The following PRKN variants were observed in gnomAD, a reference collection of about 807,000 sequenced individuals.
The protein encoded by PRKN is E3 ubiquitin-protein ligase parkin.
PRKN carries 56 observed loss-of-function variants against 59.5 expected under a neutral mutation model. The observed-to-expected ratio is 0.94, with a 90% CI of 0.76 to 1.18. The LOEUF is 1.18. Ranked by LOEUF, PRKN falls within the 50% of genes most tolerant of loss-of-function variation. PRKN has a pLI of 0.00. For synonymous variants in PRKN, 250 were observed against 222.1 expected, an observed-to-expected ratio of 1.13 and a Z score of -1.12; for missense variants, 657 against 596.4, an observed-to-expected ratio of 1.10 and a Z score of -1.06.
In PRKN at chr6:161,419,672, A is replaced by G. The variant is rs986349697; in HGVS notation, c.1084-32795T>C. On this transcript the variant is annotated intron_variant, in intron 9 of 11. Coordinates refer to ENST00000366898, the MANE Select transcript of PRKN (RefSeq NM_004562.3). This position sits in a 1 kb window ranked among gnomAD's most constrained non-coding sequence, Gnocchi z 4.1. Reference sequence around the variant, plus strand: ...CAAAGTGCTGGGATTACAGGCATGAACCACCACGCCCAGCCTCCTCTGACT... The same window carrying G: ...CAAAGTGCTGGGATTACAGGCATGAGCCACCACGCCCAGCCTCCTCTGACT... Among the ~76,000 whole-genome samples, 4 of 151,840 alleles carry G rather than the reference A, an allele frequency of 2.6e-5. No homozygotes were observed. The highest frequency in any genetic ancestry group is 2.0e-4 in the East Asian group (1 of 5,088).
chr6:162,703,598 G>A (rs748300039), intron 1 of PRKN, among the ~76,000 whole-genome samples: 9 of 152,082 alleles, frequency 5.9e-5, no homozygotes, highest in East Asian at 5.8e-4. Context: ...TGTCAGGCAC[G>A]GGGCTAAGAA....
rs1785031425 is a variant in PRKN at position 161,362,920 on chromosome 6, C to A, written c.1168-2715G>T. 2.0e-5 allele frequency among the ~76,000 whole-genome samples: 3 copies of A among 152,164 alleles called. No individual in the cohort carries two copies. The highest frequency in any genetic ancestry group is 4.8e-5 in the African/African-American group (2 of 41,424). On this transcript the variant is annotated intron_variant, in intron 10 of 11. Coordinates refer to ENST00000366898, the MANE Select transcript of PRKN (RefSeq NM_004562.3). This position sits in a 1 kb window ranked among gnomAD's most constrained non-coding sequence, Gnocchi z 5.2. ...TACAGAAACTACAGAATCTAACCAG[C>A]AAAGGTTGTAGATATTGGAATGGCC... is the stretch of plus-strand genomic sequence containing the variant.
chr6:162,226,183 A>C (rs1778172659), intron 3 of PRKN, among the ~76,000 whole-genome samples: 1 of 151,894 alleles, frequency 6.6e-6, no homozygotes, highest in Admixed American at 6.6e-5. Context: ...CTCATAAAAA[A>C]AGAGAGACTG....
intron 7 of PRKN, among the ~76,000 whole-genome samples, chr6:161,733,182 A>G (rs1413656454): frequency 1.3e-5 from 2 of 152,202 alleles, no homozygotes; most frequent in East Asian, 1.9e-4. Flanking sequence ...AATATGTCCA[A>G]ATTTTATCTA....
chr6:162,144,193 C>T (rs570130543), intron 4 of PRKN, among the ~76,000 whole-genome samples: 5 of 152,168 alleles, frequency 3.3e-5, no homozygotes, highest in East Asian at 3.9e-4. Flanking sequence ...GTTAACAAAG[C>T]GCACTTGGAG....
At chr6:161,901,316 C>T (rs149493379) in intron 6 of PRKN, among the ~76,000 whole-genome samples, 55 of 152,120 alleles carry the variant, frequency 3.6e-4, no homozygotes, top group African/African-American at 8.4e-4. Flanking sequence ...GTACTGAGTG[C>T]GAGGAAAAGC....
intron 6 of PRKN, among the ~76,000 whole-genome samples, chr6:161,819,659 CACTCT>C (rs907057835): frequency 2.6e-4 from 40 of 152,106 alleles, no homozygotes; most frequent in African/African-American, 8.0e-4. Context: ...ACAGAAATTC[CACTCT>C]ACTCTAAGGA....
chr6:162,451,829 A>G (rs1226729117), intron 1 of PRKN, among the ~76,000 whole-genome samples: 2 of 152,170 alleles, frequency 1.3e-5, no homozygotes, highest in South Asian at 2.1e-4. Context: ...TCAAAAAATA[A>G]TGCCCTCAAA....
chr6:161,823,101 A>AT (rs543383314), intron 6 of PRKN, among the ~76,000 whole-genome samples: 33,760 of 138,870 alleles, frequency 0.24, 4,101 homozygotes, highest in Middle Eastern at 0.32. Flanking sequence ...TGCCAGGCTA[A>AT]TTTTTTTTTT....
At chr6:162,571,913 C>G (rs901649048) in intron 1 of PRKN, among the ~76,000 whole-genome samples, 1 of 152,018 alleles carries the variant, frequency 6.6e-6, no homozygotes, top group East Asian at 1.9e-4. Context: ...TATCTGAGAC[C>G]AATACATTCA....
intron 7 of PRKN, among the ~76,000 whole-genome samples, chr6:161,764,046 T>C (rs1313673830): frequency 5.3e-5 from 8 of 152,158 alleles, no homozygotes; most frequent in African/African-American, 1.9e-4. Flanking sequence ...AGGGTGGGCT[T>C]GCTGGGCCCT....
chr6:161,443,755 G>A (rs1789360557), intron 9 of PRKN, among the ~76,000 whole-genome samples: 1 of 152,202 alleles, frequency 6.6e-6, no homozygotes, highest in African/African-American at 2.4e-5. Flanking sequence ...GTAGAAACAA[G>A]TGTGCTTCAG....
chr6:161,831,515 G>T (rs370608999), intron 6 of PRKN, among the ~76,000 whole-genome samples: 3 of 152,144 alleles, frequency 2.0e-5, no homozygotes, highest in Non-Finnish European at 4.4e-5. Context: ...GGAGGTTCCC[G>T]ATTTTCATAA....
chr6:162,650,893 A>G (rs1778403496), intron 1 of PRKN, among the ~76,000 whole-genome samples: 2 of 152,168 alleles, frequency 1.3e-5, no homozygotes, highest in South Asian at 4.1e-4. Flanking sequence ...CATGGGTGTG[A>G]CAACTGTTTC....
intron 2 of PRKN, among the ~76,000 whole-genome samples, chr6:162,291,736 C>T (rs958693268): frequency 1.3e-5 from 2 of 152,126 alleles, no homozygotes; most frequent in Non-Finnish European, 2.9e-5. Flanking sequence ...CTTTTCCTTT[C>T]ATGTTACCCT....
chr6:162,579,482 TCACA>T (rs202071599), intron 1 of PRKN, among the ~76,000 whole-genome samples: 3 of 150,786 alleles, frequency 2.0e-5, no homozygotes, highest in Admixed American at 6.6e-5. Flanking sequence ...ATATCCAGAC[TCACA>T]CAGATTTACA....
At chr6:161,557,144 T>C (rs1780267224) in intron 8 of PRKN, among the ~76,000 whole-genome samples, 1 of 152,216 alleles carries the variant, frequency 6.6e-6, no homozygotes, top group South Asian at 2.1e-4. Context: ...AAAAAATACA[T>C]TTCATTAGTA....
At chr6:162,710,156 T>C (rs1382056835) in intron 1 of PRKN, among the ~76,000 whole-genome samples, 1 of 152,022 alleles carries the variant, frequency 6.6e-6, no homozygotes, top group Non-Finnish European at 1.5e-5. Flanking sequence ...GTGCGGACCA[T>C]CAACTTTAGA....
At chr6:161,897,692 C>T (rs1777684732) in intron 6 of PRKN, among the ~76,000 whole-genome samples, 1 of 152,082 alleles carries the variant, frequency 6.6e-6, no homozygotes. Context: ...AAAATGTCTC[C>T]CAGTTGCGGC....
Sources: gnomAD v4.1 joint callset for allele counts (sites outside exome capture counted in the v4.1 genomes callset) on GRCh38, gnomAD v4.1.1 for gene constraint, Gnocchi (gnomAD v3.1) non-coding constraint, MANE v1.5 for transcripts, NCBI Gene and HGNC (gene_info 2026-07-23, HGNC 2026-07-21) for gene names.